Variants in KHDRBS2 observed in about 807,000 individuals in gnomAD.
KHDRBS2 encodes KH domain-containing, RNA-binding, signal transduction-associated protein 2.
Under a neutral mutation model 44.3 loss-of-function variants are expected in KHDRBS2, and 26 were observed. The ratio of observed to expected loss-of-function variants is 0.59; its 90% CI spans 0.43 to 0.81. The LOEUF (loss-of-function observed/expected upper bound fraction) is 0.81. Among genes scored for constraint, KHDRBS2 ranks in the 40% least tolerant of loss-of-function variants. KHDRBS2 has a pLI of 0.00. For missense variants in KHDRBS2, 476 were observed against 433.1 expected, an observed-to-expected ratio of 1.10 and a Z score of -0.88; for synonymous variants, 194 against 151.1, an observed-to-expected ratio of 1.28 and a Z score of -2.08.
intron 6 of KHDRBS2, among the ~76,000 whole-genome samples, chr6:61,840,708 C>A (rs1486560264): frequency 1.3e-5 from 2 of 152,160 alleles, no homozygotes; most frequent in South Asian, 4.1e-4. Flanking sequence ...TCTGCTCCAG[C>A]TGCATTCTAC....
chr6:61,883,968 C>T (rs1464845581), intron 6 of KHDRBS2, among the ~76,000 whole-genome samples: 4 of 152,022 alleles, frequency 2.6e-5, no homozygotes, highest in East Asian at 1.9e-4. Context: ...AAAAGCCACA[C>T]GTGGCTCCCC....
intron 7 of KHDRBS2, among the ~76,000 whole-genome samples, chr6:61,720,634 TTTC>T (rs1582383866): frequency 6.6e-6 from 1 of 152,220 alleles, no homozygotes; most frequent in Admixed American, 6.5e-5. Flanking sequence ...TGTTTGTTTT[TTTC>T]TTGTGAATTT....
chr6:61,815,414 A>G (rs1303492589), intron 6 of KHDRBS2, among the ~76,000 whole-genome samples: 2 of 152,202 alleles, frequency 1.3e-5, no homozygotes, highest in Non-Finnish European at 2.9e-5. Flanking sequence ...ATAAGAAGGA[A>G]CTACGATAAT....
chr6:62,034,693 GAAAA>G (rs1171214560), intron 3 of KHDRBS2, among the ~76,000 whole-genome samples: 3 of 60,758 alleles, frequency 4.9e-5, no homozygotes, highest in Non-Finnish European at 9.1e-5. Flanking sequence ...ATTCTGAACA[GAAAA>G]AAAAAAAAAA....
intron 2 of KHDRBS2, among the ~76,000 whole-genome samples, chr6:62,147,238 G>A (rs1814139022): frequency 6.6e-6 from 1 of 151,816 alleles, no homozygotes; most frequent in African/African-American, 2.4e-5. Context: ...GGGCTTCAAG[G>A]ACTTTGGAGA....
At chr6:61,677,089 C>T (rs139601186), downstream of KHDRBS2, among the ~76,000 whole-genome samples, 2 of 151,906 alleles carry the variant, frequency 1.3e-5, no homozygotes, top group East Asian at 3.9e-4. Context: ...TTTTCTGCTG[C>T]GATAACCCTG....
the KHDRBS2 span, among the ~76,000 whole-genome samples, chr6:61,668,819 A>G: frequency 1.3e-5 from 2 of 151,008 alleles, no homozygotes; most frequent in Non-Finnish European, 1.5e-5. Flanking sequence ...GGTATAAAAT[A>G]TATTTTAGTA....
At chr6:62,213,279 T>TC (rs1829397685) in intron 1 of KHDRBS2, among the ~76,000 whole-genome samples, 1 of 151,972 alleles carries the variant, frequency 6.6e-6, no homozygotes, top group Non-Finnish European at 1.5e-5. Flanking sequence ...AGAAGCAAGT[T>TC]TGGGGGAGAA....
At chr6:61,776,866 T>A (rs866239742) in intron 6 of KHDRBS2, among the ~76,000 whole-genome samples, 1 of 152,096 alleles carries the variant, frequency 6.6e-6, no homozygotes, top group South Asian at 2.1e-4. Context: ...CTATTCACAA[T>A]AGGAAATACT....
intron 6 of KHDRBS2, among the ~76,000 whole-genome samples, chr6:61,881,862 G>A (rs554460780): frequency 1.2e-4 from 18 of 152,126 alleles, no homozygotes; most frequent in Middle Eastern, 3.4e-3. Flanking sequence ...ATTGGCTGGG[G>A]CACCAGTTAC....
At chr6:62,223,055 G>A (rs750302846) in intron 1 of KHDRBS2, among the ~76,000 whole-genome samples, 1 of 152,200 alleles carries the variant, frequency 6.6e-6, no homozygotes, top group Non-Finnish European at 1.5e-5. Context: ...GGGACTCTTT[G>A]AGTGGGAGTG....
At chr6:61,910,994 A>G (rs1411080253) in intron 4 of KHDRBS2, among the ~76,000 whole-genome samples, 7 of 152,232 alleles carry the variant, frequency 4.6e-5, no homozygotes, top group Admixed American at 4.6e-4. Context: ...TTAAAAGTAT[A>G]TAAAATGAAC....
At chr6:62,156,252 C>A (rs1373794896) in intron 2 of KHDRBS2, among the ~76,000 whole-genome samples, 1 of 152,072 alleles carries the variant, frequency 6.6e-6, no homozygotes, top group Non-Finnish European at 1.5e-5. Flanking sequence ...AAAATGTTTC[C>A]CAAGTTCTAC....
Position 62,083,079 on chromosome 6 carries a change from CCT to C in KHDRBS2, c.220-35087_220-35086del, listed in dbSNP as rs577454635. ...GTGGCCTAAAGTAAGAACATGCATT[CCT>C]GTTTTCCCACCCAAATGTTGCCTTT... On this transcript the variant is annotated intron_variant, in intron 2 of 8. Coordinates refer to ENST00000281156, the MANE Select transcript of KHDRBS2 (RefSeq NM_152688.4). Among the ~76,000 whole-genome samples the C allele has an allele frequency of 1.1e-3, 161 of 152,252 alleles. 1 individual carries two copies. Among genetic ancestry groups the C allele is most frequent in the African/African-American group, 3.6e-3 (151 of 41,576 alleles).
intron 4 of KHDRBS2, among the ~76,000 whole-genome samples, chr6:61,968,934 C>A (rs771626369): frequency 6.6e-6 from 1 of 151,554 alleles, no homozygotes; most frequent in South Asian, 2.1e-4. Flanking sequence ...AGAGGATTGA[C>A]AAAAATAAAA....
chr6:61,587,439 G>C, the KHDRBS2 span, among the ~76,000 whole-genome samples: 1 of 151,876 alleles, frequency 6.6e-6, no homozygotes, highest in Non-Finnish European at 1.5e-5. Context: ...AGACCAACAG[G>C]AACATCTGCA....
intron 1 of KHDRBS2, among the ~76,000 whole-genome samples, chr6:62,179,186 C>T (rs1460662742): frequency 6.7e-6 from 1 of 149,108 alleles, no homozygotes; most frequent in Non-Finnish European, 1.5e-5. Flanking sequence ...ATTACTTACC[C>T]AGGTAATACC....
intron 6 of KHDRBS2, among the ~76,000 whole-genome samples, chr6:61,820,181 T>C (rs150195921): frequency 6.6e-6 from 1 of 152,168 alleles, no homozygotes; most frequent in African/African-American, 2.4e-5. Flanking sequence ...AGAGTTGTGG[T>C]TAACTTTTTC....
chr6:61,906,110 T>G (rs1804964546), intron 4 of KHDRBS2, among the ~76,000 whole-genome samples: 1 of 152,100 alleles, frequency 6.6e-6, no homozygotes, highest in Non-Finnish European at 1.5e-5. Flanking sequence ...CCTCCCAAAG[T>G]GCTGGGAATA....
Sources: gnomAD v4.1 joint callset for allele counts (sites outside exome capture counted in the v4.1 genomes callset) on GRCh38, gnomAD v4.1.1 for gene constraint, MANE v1.5 for transcripts, NCBI Gene and HGNC (gene_info 2026-07-23, HGNC 2026-07-21) for gene names.